Variants in MGA observed in about 807,000 individuals in gnomAD.
The protein encoded by MGA is MAX dimerization protein MGA.
A neutral mutation model predicts 261.1 loss-of-function variants in MGA; 40 were observed. That is an observed-to-expected ratio of 0.15 (90% CI 0.12 to 0.20). The LOEUF (loss-of-function observed/expected upper bound fraction) is 0.20. Ranked by LOEUF, MGA falls within the 10% of genes least tolerant of loss-of-function variation. The pLI, the probability that MGA is intolerant of heterozygous loss-of-function variation, is 1.00. For missense variants in MGA, 3,397 were observed against 3,630.5 expected (o/e 0.94, Z 1.65); for synonymous variants, 1,302 against 1,290.6 (o/e 1.01, Z -0.19).
intron 1 of MGA, among the ~76,000 whole-genome samples, chr15:41,642,136 A>T (rs2056834698): frequency 6.6e-6 from 1 of 152,092 alleles, no homozygotes; most frequent in African/African-American, 2.4e-5. Context: ...GATTATAGCC[A>T]TCTTAGTGGA....
rs533275986 is a variant in MGA at position 41,742,452 on chromosome 15, C to T, written c.4586-94C>T. The T allele has an allele frequency of 6.3e-5, 89 of 1,421,628 alleles. No homozygotes were observed. The African/African-American group carries it at 1.1e-3, about 18-fold the overall frequency. 88.1% of individuals were successfully genotyped at this position (1,421,628 alleles called of 1,614,324 possible). A position where few individuals can be genotyped will look rare whatever the true frequency, so the allele number is the denominator to read the frequency against. ...GTAGGTAGTACCTGTAAGAAATTGA[C>T]CCAGTAGTGCACAGTAAATGTCGGT... On this transcript the variant is annotated intron_variant, in intron 14 of 23. Coordinates refer to ENST00000219905, the MANE Select transcript of MGA (RefSeq NM_001164273.2).
chr15:41,656,208 T>TGAA (rs1451410389), upstream of MGA, among the ~76,000 whole-genome samples: 4 of 152,162 alleles, frequency 2.6e-5, no homozygotes, highest in African/African-American at 9.6e-5. Flanking sequence ...AACTTAAGTA[T>TGAA]GAAGGGTGAA....
At position 41,725,853 on chromosome 15, in the gene MGA, AAAATAAAT is replaced by A. The variant is rs1336939044; in HGVS notation, c.3431-1308_3431-1301del. 3.1e-3 allele frequency among the ~76,000 whole-genome samples: 74 copies of A among 24,238 alleles called. 13 individuals are homozygous for A. Among genetic ancestry groups the A allele is most frequent in the Middle Eastern group, 0.042 (1 of 24 alleles). 15.9% of individuals were successfully genotyped at this position (24,238 alleles called of 152,430 possible). A position where few individuals can be genotyped will look rare whatever the true frequency, so the allele number is the denominator to read the frequency against. On this transcript the variant is annotated intron_variant, in intron 9 of 23. Coordinates refer to ENST00000219905, the MANE Select transcript of MGA (RefSeq NM_001164273.2). ...CCGTCTCAAAAAAAAAAAAAAAAAAAAAATAAATAAATAAATAAATAAATAAGTAAACC... is the reference window on the plus strand; with the variant it reads ...CCGTCTCAAAAAAAAAAAAAAAAAAAAAATAAATAAATAAATAAGTAAACC...
upstream of MGA, among the ~76,000 whole-genome samples, chr15:41,656,696 C>G (rs908843402): frequency 6.6e-6 from 1 of 151,534 alleles, no homozygotes; most frequent in African/African-American, 2.4e-5. Flanking sequence ...ACATTTCTGT[C>G]CTTCTTTTCA....
intron 1 of MGA, among the ~76,000 whole-genome samples, chr15:41,645,485 G>T (rs1486001113): frequency 6.6e-6 from 1 of 152,196 alleles, no homozygotes. Context: ...TCGGGAGACT[G>T]AGGAAGGAGA....
chr15:41,684,903 A>T lies in MGA; in HGVS notation c.1065-11172A>T, dbSNP rs370478505. Among the ~76,000 whole-genome samples the T allele has an allele frequency of 5.4e-4, 82 of 152,314 alleles. 1 individual carries two copies. The highest frequency in any genetic ancestry group is 1.8e-3 in the African/African-American group (76 of 41,568). On this transcript the variant is annotated intron_variant, in intron 2 of 23. Coordinates refer to ENST00000219905, the MANE Select transcript of MGA (RefSeq NM_001164273.2). Reference sequence around the variant, plus strand: ...GTTTTTGCTTGCTTAATCTTTAAAAACAGATAAAGGGAAACTGGATTTTGG... The same window carrying T: ...GTTTTTGCTTGCTTAATCTTTAAAATCAGATAAAGGGAAACTGGATTTTGG...
chr15:41,691,576 G>T, intron 2 of MGA: 1 of 474,610 alleles, frequency 2.1e-6, no homozygotes. Flanking sequence ...GTAAGTAGAC[G>T]TGGCAAGAAC....
At chr15:41,691,364 T>TTG (rs563532914) in intron 2 of MGA, among the ~76,000 whole-genome samples, 1,532 of 151,886 alleles carry the variant, frequency 0.01, 9 homozygotes, top group Middle Eastern at 0.014. Context: ...GAAAAACAAT[T>TTG]TGTGTGTGTG....
chr15:41,667,826 C>T (rs1014542215), intron 1 of MGA, among the ~76,000 whole-genome samples: 13 of 152,016 alleles, frequency 8.6e-5, no homozygotes, highest in South Asian at 6.2e-4. Flanking sequence ...TTCTTTGAGA[C>T]GGAGTCTTTC....
chr15:41,732,903 A>C (rs1413024157), intron 11 of MGA, among the ~76,000 whole-genome samples: 2 of 152,192 alleles, frequency 1.3e-5, no homozygotes, highest in African/African-American at 4.8e-5. Context: ...GATTTTAAAA[A>C]TTGGAACCAA....
chr15:41,744,912 T>C (rs2062353348), intron 15 of MGA, among the ~76,000 whole-genome samples: 1 of 152,208 alleles, frequency 6.6e-6, no homozygotes. Flanking sequence ...GGAGTCTCGC[T>C]CTGTTGCCCA....
chr15:41,630,969 C>A (rs1335209008), intron 1 of MGA, among the ~76,000 whole-genome samples: 1 of 152,116 alleles, frequency 6.6e-6, no homozygotes, highest in Non-Finnish European at 1.5e-5. Flanking sequence ...CAATCATAAG[C>A]ATGTATTGAG....
At chr15:41,742,482 A>C in intron 14 of MGA, 64 bp from the exon 15 acceptor site, 3 of 1,558,736 alleles carry the variant, frequency 1.9e-6, no homozygotes, top group South Asian at 1.2e-5. Context: ...GTCGGTAAGC[A>C]CAGTCACTAA....
Position 41,750,528 on chromosome 15 carries a change from T to A in MGA, c.6921T>A (p.Asp2307Glu). 6.2e-7 allele frequency: 1 copy of A among 1,613,366 alleles called. No individual in the cohort carries two copies. The highest frequency in any genetic ancestry group is 1.7e-4 in the Middle Eastern group (1 of 6,060). Residue 2307 changes from aspartate (D) to glutamate (E), a missense_variant, in exon 17 of 24, where the codon GAT (aspartate) becomes GAA (glutamate). By Grantham distance (45) the Asp-to-Glu change is conservative. Around this residue, in one of 9 missense-constraint regions of MGA, gnomAD observed 1,410 missense variants for 1,386.4 expected, o/e 1.02. Coordinates refer to ENST00000219905, the MANE Select transcript of MGA (RefSeq NM_001164273.2). ...TGGATTTGGAAGAAGATGATGAAGA[T>A]GATAATGAGAAAACTGATGATTCTA...
rs1595757475 is a variant in MGA at position 41,696,073 on chromosome 15, A to G, written c.1065-2A>G. ...AAATCCCTTTCTCCTCTCTCTCTCCAGTCTTATTGCCAGCAGTTTTGAAGA... is the reference window on the plus strand; with the variant it reads ...AAATCCCTTTCTCCTCTCTCTCTCCGGTCTTATTGCCAGCAGTTTTGAAGA... On this transcript the variant is annotated splice_acceptor_variant, in intron 2 of 23. Coordinates refer to ENST00000219905, the MANE Select transcript of MGA (RefSeq NM_001164273.2). LOFTEE classifies it high-confidence loss of function. 1.3e-6 allele frequency: 2 copies of G among 1,592,060 alleles called. No individual in the cohort carries two copies. Among genetic ancestry groups the G allele is most frequent in the Non-Finnish European group, 1.7e-6 (2 of 1,167,486 alleles).
chr15:41,705,876 T>C (rs1485870881), intron 5 of MGA, among the ~76,000 whole-genome samples: 2 of 152,206 alleles, frequency 1.3e-5, no homozygotes, highest in East Asian at 3.8e-4. Flanking sequence ...CGTAGTTGAT[T>C]GGGAACATGA....
intron 2 of MGA, among the ~76,000 whole-genome samples, chr15:41,680,415 A>C (rs1250412327): frequency 6.6e-6 from 1 of 152,234 alleles, no homozygotes; most frequent in Non-Finnish European, 1.5e-5. Flanking sequence ...TGATGCATTG[A>C]ATAAGAACCC....
At chr15:41,641,638 C>T (rs187673668) in intron 1 of MGA, among the ~76,000 whole-genome samples, 33 of 151,782 alleles carry the variant, frequency 2.2e-4, no homozygotes, top group South Asian at 2.1e-4. Context: ...TATAGGTGCG[C>T]GCCACCACGC....
At position 41,736,670 on chromosome 15, in the gene MGA, C is replaced by A; in HGVS notation, c.4406C>A (p.Pro1469His). The A allele has an allele frequency of 6.2e-7, 1 of 1,612,354 alleles. No homozygotes were observed. Among genetic ancestry groups the A allele is most frequent in the Non-Finnish European group, 8.5e-7 (1 of 1,179,136 alleles). The change falls in exon 13 of 24, where the codon CCC (proline) becomes CAC (histidine). Residue 1469 changes from proline to histidine, a missense_variant. Around this residue, in one of 9 missense-constraint regions of MGA, gnomAD observed 1,410 missense variants for 1,386.4 expected, o/e 1.02. Transcript: ENST00000219905. ...AAGCTTGTGGCCTATAAACGTAAACCCAGTTCAAGTACATCTGGGCTTATC... is the reference window on the plus strand; with the variant it reads ...AAGCTTGTGGCCTATAAACGTAAACACAGTTCAAGTACATCTGGGCTTATC...
Sources: allele counts gnomAD v4.1 joint callset (sites outside exome capture counted in the v4.1 genomes callset), GRCh38; gene constraint gnomAD v4.1.1; regional missense constraint gnomAD v4.1.1; transcripts MANE v1.5; gene names NCBI Gene and HGNC (gene_info 2026-07-23, HGNC 2026-07-21).